Variants in COL5A3 observed in about 807,000 individuals in gnomAD.
COL5A3 encodes collagen type V alpha 3 chain.
Under a neutral mutation model 250.0 loss-of-function variants are expected in COL5A3, and 172 were observed. That is an observed-to-expected ratio of 0.69 (90% confidence interval 0.61 to 0.78). COL5A3 has a LOEUF of 0.78. Ranked by LOEUF, COL5A3 falls within the 30% of genes least tolerant of loss-of-function variation. The pLI is 0.00. For synonymous variants in COL5A3, 937 were observed against 900.4 expected (o/e 1.04, Z -0.73); for missense variants, 2,340 against 2,334.4 (o/e 1.00, Z -0.05).
intron 54 of COL5A3, among the ~76,000 whole-genome samples, chr19:9,970,220 T>G (rs1054985534): frequency 2.6e-3 from 4 of 1,524 alleles, no homozygotes; most frequent in Admixed American, 8.8e-3. Context: ...TGTGGGTGAG[T>G]GGGGGCTGTG....
At chr19:9,974,252 C>T in intron 46 of COL5A3, 28 bp from the exon 47 acceptor site, 2 of 1,613,132 alleles carry the variant, frequency 1.2e-6, no homozygotes, top group East Asian at 2.2e-5. Flanking sequence ...AAGATTGGGG[C>T]ACCAGGTAGG....
intron 33 of COL5A3, 23 bp from the exon 34 acceptor site, chr19:9,980,882 G>A (rs938486078): frequency 1.9e-6 from 3 of 1,597,554 alleles, no homozygotes; most frequent in Non-Finnish European, 1.7e-6. Flanking sequence ...AAAAGGCAAA[G>A]ATCAGATATG....
rs2086767228 is a variant in COL5A3 at position 9,967,430 on chromosome 19, C to T, written c.4405-30G>A. ...AGGGAGAAGTCACTTGGAGAATGAACCCTGTCTATGGAGACCCTTCCCACC... is the reference window on the plus strand; with the variant it reads ...AGGGAGAAGTCACTTGGAGAATGAATCCTGTCTATGGAGACCCTTCCCACC... On this transcript the variant is annotated intron_variant, in intron 61 of 66. Transcript: ENST00000264828. 2.7e-6 allele frequency: 4 copies of T among 1,488,136 alleles called. No individual in the cohort carries two copies. In the East Asian group the frequency reaches 1.1e-4, roughly 41 times the overall value. The allele number at this position is 1,488,136 out of a possible 1,614,324, so 92.2% of individuals were successfully genotyped here.
Position 9,996,596 on chromosome 19 carries a change from C to T in COL5A3, c.1338+19G>A. The T allele has an allele frequency of 6.2e-7, 1 of 1,613,950 alleles. No homozygotes were observed. Among genetic ancestry groups the T allele is most frequent in the Non-Finnish European group, 8.5e-7 (1 of 1,179,912 alleles). On this transcript the variant is annotated intron_variant, in intron 12 of 66. Transcript: ENST00000264828. ...AGGACTCCACTCCCCAAGGCTGGGC[C>T]ACTCCATCTCCTTCTTACCGGCATC...
chr19:9,996,168 T>C (rs1272809107), intron 14 of COL5A3, 38 bp downstream of exon 14: 13 of 1,554,232 alleles, frequency 8.4e-6, no homozygotes, highest in African/African-American at 1.4e-5. Context: ...TCTTCACTAA[T>C]GCATGCACCG....
intron 1 of COL5A3, among the ~76,000 whole-genome samples, chr19:10,007,918 T>TTTCTCTCTCTCTCTCTCTTTCTCTCA (rs2087465882): frequency 6.6e-6 from 1 of 151,306 alleles, no homozygotes; most frequent in East Asian, 1.9e-4. Context: ...TCCAAGTCTC[T>TTTCTCTCTCTCTCTCTCTTTCTCTCA]TTCTCTCTCT....
intron 35 of COL5A3, 36 bp from the exon 36 acceptor site, chr19:9,980,083 CT>C: frequency 6.4e-7 from 1 of 1,561,690 alleles, no homozygotes; most frequent in Non-Finnish European, 8.7e-7. Context: ...CTCATCCCCC[CT>C]GCCTCCCTGC....
In COL5A3 at chr19:9,969,691, G is replaced by T; in HGVS notation, c.3991-9C>A. On this transcript the variant is annotated splice_polypyrimidine_tract_variant and intron_variant, in intron 55 of 66. Coordinates refer to ENST00000264828, the MANE Select transcript of COL5A3 (RefSeq NM_015719.4). ...TCAGGACCTGGCTCCCCCTGAAATGGACACAGGCAAGGGAGGGGCCAGAGT... is the reference window on the plus strand; with the variant it reads ...TCAGGACCTGGCTCCCCCTGAAATGTACACAGGCAAGGGAGGGGCCAGAGT... The T allele has an allele frequency of 6.3e-7, 1 of 1,588,236 alleles. No homozygotes were observed. The highest frequency in any genetic ancestry group is 8.5e-7 in the Non-Finnish European group (1 of 1,172,290).
chr19:9,986,009 C>A (rs1359206757), intron 30 of COL5A3, 114 bp from the exon 31 acceptor site: 3 of 948,388 alleles, frequency 3.2e-6, no homozygotes, highest in Non-Finnish European at 5.0e-6. Context: ...GTTGGGGAAA[C>A]GAGGTTCAAG....
At position 10,005,716 on chromosome 19, in the gene COL5A3, T is replaced by C. The variant is rs1241897637; in HGVS notation, c.438-2A>G. On this transcript the variant is annotated splice_acceptor_variant, in intron 3 of 66. Coordinates refer to ENST00000264828, the MANE Select transcript of COL5A3 (RefSeq NM_015719.4). LOFTEE classifies it high-confidence loss of function. ...ATGCTGACGGCCACACGGTGCCACC[T>C]GCAAGGGGACGGCCTCAGTGCGGGT... is the stretch of plus-strand genomic sequence containing the variant. 1 of 1,605,220 alleles carries C rather than the reference T, an allele frequency of 6.2e-7. No individual in the cohort carries two copies. The highest frequency in any genetic ancestry group is 8.5e-7 in the Non-Finnish European group (1 of 1,173,680).
chr19:10,004,250 G>A (rs1375119856), intron 4 of COL5A3, 105 bp from the exon 5 acceptor site: 5 of 756,314 alleles, frequency 6.6e-6, no homozygotes, highest in Admixed American at 6.3e-5. Flanking sequence ...GCACCAGGGT[G>A]CAATGCTCCC....
intron 30 of COL5A3, 96 bp from the exon 31 acceptor site, chr19:9,985,991 G>A (rs898990918): frequency 1.8e-6 from 2 of 1,089,198 alleles, no homozygotes; most frequent in Non-Finnish European, 2.8e-6. Flanking sequence ...TGGGCTAATG[G>A]GATGGGAGTT....
intron 26 of COL5A3, 40 bp downstream of exon 26, chr19:9,989,282 A>G (rs1236991108): frequency 6.2e-7 from 1 of 1,613,312 alleles, no homozygotes; most frequent in East Asian, 2.2e-5. Context: ...CTGCCTCCCG[A>G]CCCTCGTCCC....
chr19:9,991,976 C>T, intron 22 of COL5A3, 28 bp downstream of exon 22: 1 of 1,604,290 alleles, frequency 6.2e-7, no homozygotes, highest in South Asian at 1.1e-5. Flanking sequence ...TCAGAAGGGT[C>T]AGAGGTCAAA....
intron 60 of COL5A3, 41 bp from the exon 61 acceptor site, chr19:9,967,980 A>G (rs1218906814): frequency 1.2e-6 from 2 of 1,603,698 alleles, no homozygotes; most frequent in East Asian, 4.5e-5. Context: ...CCTGGCCTGG[A>G]CCACCACAGT....
Position 9,959,981 on chromosome 19 carries a change from G to T in COL5A3, c.*430C>A, listed in dbSNP as rs201950607. ...GGGTGGGGGTAGGGGTCCCAGCCTG[G>T]GATCAGGAGACATCCAGTGCTTAAC... On this transcript the variant is annotated 3_prime_UTR_variant, in exon 67 of 67. Transcript: ENST00000264828. 790 of 179,508 alleles carry T rather than the reference G, an allele frequency of 4.4e-3. 6 individuals carry two copies. Among genetic ancestry groups the T allele is most frequent in the African/African-American group, 0.018 (761 of 42,522 alleles). The allele number at this position is 179,508 out of a possible 1,614,324, so 11.1% of individuals were successfully genotyped here.
intron 24 of COL5A3, among the ~76,000 whole-genome samples, chr19:9,990,354 A>G (rs1599556669): frequency 1.4e-5 from 2 of 147,782 alleles, no homozygotes; most frequent in African/African-American, 5.0e-5. Flanking sequence ...AGATCATGCC[A>G]TTGCACTCCA....
At chr19:9,970,838 T>C (rs1385842336) in intron 53 of COL5A3, 137 bp downstream of exon 53, 2 of 1,047,994 alleles carry the variant, frequency 1.9e-6, no homozygotes, top group Non-Finnish European at 2.7e-6. Flanking sequence ...TTCCTGGGGG[T>C]CCCCAGAGAG....
intron 61 of COL5A3, 50 bp downstream of exon 61, chr19:9,967,853 AG>A: frequency 1.3e-6 from 2 of 1,570,504 alleles, no homozygotes; most frequent in African/African-American, 1.4e-5. Context: ...GGTGCAGTGA[AG>A]GGGGTGGGGA....
Sources: allele counts gnomAD v4.1 joint callset (sites outside exome capture counted in the v4.1 genomes callset), GRCh38; gene constraint gnomAD v4.1.1; transcripts MANE v1.5; gene names NCBI Gene and HGNC (gene_info 2026-07-23, HGNC 2026-07-21).